Variants in RAB11FIP4 observed in about 807,000 individuals in gnomAD.
RAB11FIP4 encodes the protein RAB11 family interacting protein 4.
In RAB11FIP4, 23 loss-of-function variants were observed where a neutral mutation model predicts 74.3. That is an observed-to-expected ratio of 0.31 (90% CI 0.22 to 0.44). RAB11FIP4 has a LOEUF of 0.44. Among genes scored for constraint, RAB11FIP4 ranks in the 20% least tolerant of loss-of-function variants. RAB11FIP4 has a pLI of 1.00. For missense variants in RAB11FIP4, 630 were observed against 863.9 expected, an observed-to-expected ratio of 0.73 and a Z score of 3.39; for synonymous variants, 360 against 359.9, an observed-to-expected ratio of 1.00 and a Z score of 0.00.
chr17:31,402,833 G>T (rs1280480141), intron 1 of RAB11FIP4, among the ~76,000 whole-genome samples: 6 of 151,730 alleles, frequency 4.0e-5, no homozygotes, highest in African/African-American at 7.3e-5. Context: ...CACCGTGTTA[G>T]CCAGGATGGT....
chr17:31,478,999 C>G (rs1414091459), intron 3 of RAB11FIP4, among the ~76,000 whole-genome samples: 1 of 152,218 alleles, frequency 6.6e-6, no homozygotes, highest in Non-Finnish European at 1.5e-5. Context: ...AGTGATGCAA[C>G]AAGAGAGGCA....
rs1467299306 is a variant in RAB11FIP4 at position 31,536,049 on chromosome 17, G to C, written c.*4317G>C. On this transcript the variant is annotated 3_prime_UTR_variant, in exon 15 of 15. Coordinates refer to ENST00000621161, the MANE Select transcript of RAB11FIP4 (RefSeq NM_032932.6). Reference sequence around the variant, plus strand: ...TGTTCAGGGGAGTTGGGGGGGGGGGGCGCGGGGACAGAAGCGCGGGTTCTT... The same window carrying C: ...TGTTCAGGGGAGTTGGGGGGGGGGGCCGCGGGGACAGAAGCGCGGGTTCTT... The C allele has an allele frequency of 6.9e-5, 9 of 129,946 alleles. No individual in the cohort carries two copies. The East Asian group carries it at 2.1e-3, about 30-fold the overall frequency. 8.0% of individuals were successfully genotyped at this position (129,946 alleles called of 1,614,324 possible).
chr17:31,487,043 G>A (rs2071911272), intron 3 of RAB11FIP4, among the ~76,000 whole-genome samples: 1 of 152,182 alleles, frequency 6.6e-6, no homozygotes. Flanking sequence ...ATGCCCCACT[G>A]GTCCTGCCCG....
intron 3 of RAB11FIP4, among the ~76,000 whole-genome samples, chr17:31,514,368 C>T (rs372541567): frequency 3.9e-5 from 6 of 152,318 alleles, no homozygotes; most frequent in African/African-American, 9.6e-5. Flanking sequence ...GGAGCAAGGA[C>T]GCTGATCTGC....
chr17:31,433,923 G>A (rs987325221), intron 2 of RAB11FIP4, 111 bp from the exon 3 acceptor site: 17 of 1,057,988 alleles, frequency 1.6e-5, no homozygotes, highest in East Asian at 7.8e-5. Context: ...CTGGAGCCTC[G>A]GGCCCCCACC....
chr17:31,435,639 C>G (rs149415049), intron 3 of RAB11FIP4, among the ~76,000 whole-genome samples: 1 of 152,212 alleles, frequency 6.6e-6, no homozygotes, highest in Non-Finnish European at 1.5e-5. Context: ...GATCCAGGAC[C>G]CCAGAGGCCA....
At chr17:31,407,098 CTG>C (rs1381488594) in intron 1 of RAB11FIP4, among the ~76,000 whole-genome samples, 1 of 127,676 alleles carries the variant, frequency 7.8e-6, no homozygotes, top group Non-Finnish European at 1.6e-5. Context: ...GTCACCCAGA[CTG>C]GAGTACAGTG....
intron 2 of RAB11FIP4, 129 bp downstream of exon 2, chr17:31,432,029 C>T (rs984834634): frequency 7.3e-6 from 5 of 688,010 alleles, no homozygotes; most frequent in South Asian, 1.9e-5. Context: ...GGCCAGAAGT[C>T]GGTTCTGCCT....
intron 3 of RAB11FIP4, among the ~76,000 whole-genome samples, chr17:31,500,921 G>T (rs2072208267): frequency 6.6e-6 from 1 of 152,088 alleles, no homozygotes; most frequent in Admixed American, 6.5e-5. Flanking sequence ...TACTCAGGAG[G>T]CTGAGGCAGG....
At chr17:31,486,848 T>G (rs1351628886) in intron 3 of RAB11FIP4, among the ~76,000 whole-genome samples, 2 of 152,184 alleles carry the variant, frequency 1.3e-5, no homozygotes, top group Non-Finnish European at 2.9e-5. Context: ...AGCGGCTGCT[T>G]TGCCTCAGAG....
rs1051938798 is a variant in RAB11FIP4, at chr17:31,524,833, G to C, written c.1134-257G>C. 8.9e-6 allele frequency: 5 copies of C among 560,218 alleles called. No homozygotes were observed. The African/African-American group carries it at 9.5e-5, about 11-fold the overall frequency. The allele number at this position is 560,218 out of a possible 1,614,324, so 34.7% of individuals were successfully genotyped here. A position where few individuals can be genotyped will look rare whatever the true frequency, so the allele number is the denominator to read the frequency against. On this transcript the variant is annotated intron_variant, in intron 9 of 14. Transcript: ENST00000621161. ...GCCAGGTGTGGCTGCAGGGACTGGT[G>C]GGGGCGGTCCCTCCCTGTGCTGCCC...
intron 3 of RAB11FIP4, among the ~76,000 whole-genome samples, chr17:31,468,329 T>C (rs186416687): frequency 2.5e-3 from 376 of 152,256 alleles, no homozygotes; most frequent in African/African-American, 8.2e-3. Flanking sequence ...TCTGGGCTCC[T>C]TTCCTTAGAT....
intron 13 of RAB11FIP4, 115 bp downstream of exon 13, chr17:31,528,893 G>C: frequency 1.7e-6 from 2 of 1,204,748 alleles, no homozygotes; most frequent in Admixed American, 2.6e-5. Flanking sequence ...CTGCCTGTCT[G>C]CTTCTCAGCA....
At chr17:31,507,499 A>G (rs76537953) in intron 3 of RAB11FIP4, among the ~76,000 whole-genome samples, 4,263 of 152,200 alleles carry the variant, frequency 0.028, 181 homozygotes, top group African/African-American at 0.098. Context: ...TTGTCTTTGG[A>G]GAAACACCTA....
intron 3 of RAB11FIP4, among the ~76,000 whole-genome samples, chr17:31,451,002 A>C (rs1307071263): frequency 6.6e-6 from 1 of 152,038 alleles, no homozygotes; most frequent in African/African-American, 2.4e-5. Context: ...ATCACAGCCT[A>C]ATGGTTTTAC....
At chr17:31,496,709 G>C (rs980679236) in intron 3 of RAB11FIP4, among the ~76,000 whole-genome samples, 1 of 152,236 alleles carries the variant, frequency 6.6e-6, no homozygotes, top group Non-Finnish European at 1.5e-5. Context: ...GGATGGCACA[G>C]ACCTCAGAAG....
At chr17:31,469,456 C>G (rs1376861286) in intron 3 of RAB11FIP4, among the ~76,000 whole-genome samples, 1 of 151,796 alleles carries the variant, frequency 6.6e-6, no homozygotes, top group Non-Finnish European at 1.5e-5. Flanking sequence ...CTTGTCTCCA[C>G]AAAAATAAAT....
At chr17:31,421,105 A>G (rs984910961) in intron 1 of RAB11FIP4, among the ~76,000 whole-genome samples, 1 of 152,218 alleles carries the variant, frequency 6.6e-6, no homozygotes, top group Non-Finnish European at 1.5e-5. Flanking sequence ...ACAAACAAAA[A>G]GATACTTCAT....
rs1326572594 is a variant in RAB11FIP4 at position 31,522,058 on chromosome 17, C to T, written c.893+9C>T. On this transcript the variant is annotated intron_variant, in intron 6 of 14. Coordinates refer to ENST00000621161, the MANE Select transcript of RAB11FIP4 (RefSeq NM_032932.6). The stretch of plus-strand genomic sequence containing the variant: ...AACCTGAAGGCCAACAGGTGAGGCC[C>T]AGGCCCAGCTGGGGGGTGAGAGGCC... 3.7e-6 allele frequency: 6 copies of T among 1,613,840 alleles called. No homozygotes were observed. Among genetic ancestry groups the T allele is most frequent in the Non-Finnish European group, 5.1e-6 (6 of 1,180,022 alleles).
Sources: allele counts gnomAD v4.1 joint callset (sites outside exome capture counted in the v4.1 genomes callset), GRCh38; gene constraint gnomAD v4.1.1; transcripts MANE v1.5; gene names NCBI Gene and HGNC (gene_info 2026-07-23, HGNC 2026-07-21).